Variants in EML6 observed in about 807,000 individuals in gnomAD.
EML6 encodes the protein echinoderm microtubule-associated protein-like 6.
EML6 carries 154 observed loss-of-function variants against 240.1 expected under a neutral mutation model. The ratio of observed to expected loss-of-function variants is 0.64; its 90% CI spans 0.56 to 0.73. The LOEUF is 0.73. EML6 is among the 30% of genes least tolerant of loss of function. EML6 has a pLI of 0.00. For missense variants in EML6, 2,964 were observed against 2,474.6 expected, an observed-to-expected ratio of 1.20 and a Z score of -4.20; for synonymous variants, 1,148 against 899.0, an observed-to-expected ratio of 1.28 and a Z score of -4.95.
intron 13 of EML6, 93 bp downstream of exon 13, chr2:54,863,982 A>G (rs909537395): frequency 1.5e-6 from 1 of 684,408 alleles, no homozygotes; most frequent in Non-Finnish European, 2.4e-6. Flanking sequence ...TGGCACTTAG[A>G]CAAAGAGAAT....
Position 54,960,257 on chromosome 2 carries a change from G to T in EML6, c.4891G>T (p.Glu1631Ter). The change falls in exon 35 of 42, where the codon GAG becomes TAG. Residue 1631 changes from glutamate (E) to a stop codon, truncating the protein, a stop_gained. Coordinates refer to ENST00000356458, the MANE Select transcript of EML6 (RefSeq NM_001039753.4). LOFTEE classifies it high-confidence loss of function. ...AGGTGCTGTAAAATTGTGGGACCAG[G>T]AGATGAAGCGCTGCCGGGCCTTTCA... The part of the protein sequence containing the change: ...EGGAVKLWDQ[E>*]MKRCRAFQLE... 6.4e-7 allele frequency: 1 copy of T among 1,551,618 alleles called. No individual in the cohort carries two copies. Among genetic ancestry groups the T allele is most frequent in the Non-Finnish European group, 8.7e-7 (1 of 1,146,960 alleles).
intron 26 of EML6, 114 bp from the exon 27 acceptor site, chr2:54,928,199 A>G: frequency 7.3e-6 from 6 of 826,204 alleles, no homozygotes; most frequent in East Asian, 2.7e-5. Context: ...GTTGAAATGT[A>G]GGAAATTGCT....
intron 2 of EML6, among the ~76,000 whole-genome samples, chr2:54,789,545 A>AAAAG (rs1558549496): frequency 4.1e-5 from 6 of 145,558 alleles, no homozygotes; most frequent in East Asian, 2.0e-4. Flanking sequence ...AAAAAAAAAA[A>AAAAG]AAAGAAAAAG....
chr2:54,784,854 GA>G (rs11343641), intron 2 of EML6, among the ~76,000 whole-genome samples: 72,507 of 151,936 alleles, frequency 0.48, 18,704 homozygotes, highest in African/African-American at 0.67. Flanking sequence ...ATAAGGAAGA[GA>G]AAAATACCCT....
intron 2 of EML6, among the ~76,000 whole-genome samples, chr2:54,787,770 T>C (rs1669168765): frequency 6.6e-6 from 1 of 152,174 alleles, no homozygotes; most frequent in Non-Finnish European, 1.5e-5. Context: ...TTGTTTCACA[T>C]GTTTAAGGTA....
chr2:54,909,850 CAAAAA>C (rs34171697), intron 24 of EML6, among the ~76,000 whole-genome samples: 16 of 68,526 alleles, frequency 2.3e-4, no homozygotes, highest in Non-Finnish European at 3.9e-4. Flanking sequence ...GACTCCATCT[CAAAAA>C]AAAAAAAAAA....
In EML6 at chr2:54,967,043, T is replaced by C. The variant is rs1036709280; in HGVS notation, c.5537T>C (p.Leu1846Pro). The change falls in exon 39 of 42, where the codon CTG becomes CCG. Residue 1846 changes from leucine (L) to proline (P), a missense_variant. Coordinates refer to ENST00000356458, the MANE Select transcript of EML6 (RefSeq NM_001039753.4). ...AYKRQVHEVP[L>P]GKQVTEAVVI... Reference sequence around the variant, plus strand: ...AAGCGCCAGGTGCATGAGGTCCCCCTGGGGAAGCAGGTAACTGAAGCCGTG... The same window carrying C: ...AAGCGCCAGGTGCATGAGGTCCCCCCGGGGAAGCAGGTAACTGAAGCCGTG... The C allele has an allele frequency of 1.9e-6, 3 of 1,551,288 alleles. No homozygotes were observed. The African/African-American group carries it at 4.1e-5, about 21-fold the overall frequency.
At chr2:54,939,335 G>C (rs1479019065) in intron 28 of EML6, among the ~76,000 whole-genome samples, 1 of 152,226 alleles carries the variant, frequency 6.6e-6, no homozygotes, top group African/African-American at 2.4e-5. Flanking sequence ...CTGCATCTCA[G>C]TGGTGTTGAG....
intron 28 of EML6, among the ~76,000 whole-genome samples, chr2:54,929,698 T>A (rs1256702068): frequency 1.0e-4 from 7 of 67,944 alleles, no homozygotes; most frequent in African/African-American, 3.3e-4. Context: ...TGTAACCTCC[T>A]CCTCCTCCTC....
chr2:54,880,408 A>T (rs1228211684), intron 17 of EML6: 1 of 152,176 alleles, frequency 6.6e-6, no homozygotes, highest in East Asian at 1.9e-4. Context: ...AATCATTTTG[A>T]AGTTAATAGC....
At chr2:54,844,852 T>G (rs1402674345) in intron 8 of EML6, among the ~76,000 whole-genome samples, 1 of 152,240 alleles carries the variant, frequency 6.6e-6, no homozygotes, top group African/African-American at 2.4e-5. Context: ...CAATGACTTA[T>G]GATTCCAGTA....
At position 54,725,082 on chromosome 2, in the gene EML6, C is replaced by T. The variant is rs1682846484; in HGVS notation, c.21C>T (p.Pro7=). Reference sequence around the variant, plus strand: ...TTATCATGGCGGATCGGACGGCGCCCCGCTGCCAGCTCCGGCTGGAGTGGG... The same window carrying T: ...TTATCATGGCGGATCGGACGGCGCCTCGCTGCCAGCTCCGGCTGGAGTGGG... MADRTA[P]RCQLRLEWVY... is the part of the protein sequence containing the mutation. The change falls in exon 2 of 42, where the codon CCC becomes CCT. Residue 7 remains proline, a synonymous_variant. Coordinates refer to ENST00000356458, the MANE Select transcript of EML6 (RefSeq NM_001039753.4). This position sits in a 1 kb window ranked among gnomAD's most constrained non-coding sequence, Gnocchi z 4.3. The T allele has an allele frequency of 1.3e-6, 2 of 1,528,476 alleles. No homozygotes were observed. The highest frequency in any genetic ancestry group is 2.0e-5 in the Admixed American group (1 of 48,994). The allele number at this position is 1,528,476 out of a possible 1,614,324, so 94.7% of individuals were successfully genotyped here.
At chr2:54,821,432 C>A (rs1335250372) in intron 5 of EML6, among the ~76,000 whole-genome samples, 1 of 152,100 alleles carries the variant, frequency 6.6e-6, no homozygotes, top group African/African-American at 2.4e-5. Flanking sequence ...ATTCTGGACA[C>A]GTCTAAAATT....
At chr2:54,967,493 A>G (rs1558735830) in intron 39 of EML6, among the ~76,000 whole-genome samples, 1 of 152,186 alleles carries the variant, frequency 6.6e-6, no homozygotes, top group Non-Finnish European at 1.5e-5. Context: ...TCATGGGAAA[A>G]GAGACCATTT....
chr2:54,964,367 A>G (rs1035608725), intron 37 of EML6, among the ~76,000 whole-genome samples: 5 of 152,242 alleles, frequency 3.3e-5, no homozygotes, highest in Admixed American at 1.3e-4. Context: ...TTACTTGTAA[A>G]TGTCATTCTA....
At chr2:54,820,605 T>C in intron 5 of EML6, 143 bp downstream of exon 5, 3 of 548,242 alleles carry the variant, frequency 5.5e-6, no homozygotes, top group East Asian at 3.0e-5. Flanking sequence ...TCTCTGCTCC[T>C]GAAGCAAACT....
At chr2:54,768,221 T>G (rs1267292849) in intron 2 of EML6, among the ~76,000 whole-genome samples, 1 of 152,226 alleles carries the variant, frequency 6.6e-6, no homozygotes, top group African/African-American at 2.4e-5. Flanking sequence ...CATGTTGTTT[T>G]GGCCTTAGTT....
At chr2:54,865,049 A>T (rs1670894697) in intron 13 of EML6, among the ~76,000 whole-genome samples, 1 of 152,248 alleles carries the variant, frequency 6.6e-6, no homozygotes, top group Non-Finnish European at 1.5e-5. Context: ...GCCTGAAAGG[A>T]AATTATTAAT....
intron 15 of EML6, among the ~76,000 whole-genome samples, chr2:54,869,991 G>C (rs1268585378): frequency 6.6e-6 from 1 of 152,110 alleles, no homozygotes; most frequent in Non-Finnish European, 1.5e-5. Flanking sequence ...GCTGGCAAAA[G>C]AGTAATATTG....
Sources: allele counts gnomAD v4.1 joint callset (sites outside exome capture counted in the v4.1 genomes callset), GRCh38; gene constraint gnomAD v4.1.1; non-coding constraint Gnocchi (gnomAD v3.1); transcripts MANE v1.5; gene names NCBI Gene and HGNC (gene_info 2026-07-23, HGNC 2026-07-21).